Variants in OR6N1 observed in about 807,000 individuals in gnomAD.
OR6N1 encodes olfactory receptor family 6 subfamily N member 1, also known as olfactory receptor 6N1.
For missense variants in OR6N1, 394 were observed against 371.7 expected, an observed-to-expected ratio of 1.06 and a Z score of -0.49; for synonymous variants, 170 against 150.7, an observed-to-expected ratio of 1.13 and a Z score of -0.94.
chr1:158,814,193 T>C, the OR6N1 span, among the ~76,000 whole-genome samples: 3 of 152,210 alleles, frequency 2.0e-5, no homozygotes, highest in African/African-American at 7.2e-5. Flanking sequence ...TCCTAGATGA[T>C]AGAACTTTAA....
the OR6N1 span, among the ~76,000 whole-genome samples, chr1:158,816,624 A>G: frequency 6.6e-6 from 1 of 152,116 alleles, no homozygotes; most frequent in Non-Finnish European, 1.5e-5. Context: ...CAGAAGGGCA[A>G]GGCTTCAGTG....
Position 158,764,960 on chromosome 1 carries a change from C to G in OR6N1, c.*784G>C, listed in dbSNP as rs1269952787. Reference sequence around the variant, plus strand: ...AAGTATTCCTTCTGGCTGGTTTGCTCCTTTCCTTTGGAGAAAATACTTGGA... The same window carrying G: ...AAGTATTCCTTCTGGCTGGTTTGCTGCTTTCCTTTGGAGAAAATACTTGGA... On this transcript the variant is annotated 3_prime_UTR_variant, in exon 2 of 2. Transcript: ENST00000641846. 1 of 151,740 alleles carries G rather than the reference C, an allele frequency of 6.6e-6. No individual in the cohort carries two copies. The highest frequency in any genetic ancestry group is 1.5e-5 in the Non-Finnish European group (1 of 67,916). The allele number at this position is 151,740 out of a possible 1,614,324, so 9.4% of individuals were successfully genotyped here.
chr1:158,826,726 G>A, the OR6N1 span, among the ~76,000 whole-genome samples: 1 of 152,184 alleles, frequency 6.6e-6, no homozygotes, highest in Non-Finnish European at 1.5e-5. Context: ...TGAAGAAAAT[G>A]TGGACAGCAG....
the OR6N1 span, among the ~76,000 whole-genome samples, chr1:158,796,893 T>G: frequency 6.7e-6 from 1 of 148,708 alleles, no homozygotes; most frequent in African/African-American, 2.5e-5. Context: ...TTTTTTTTTT[T>G]GTAGGTCACT....
intron 1 of OR6N1, among the ~76,000 whole-genome samples, chr1:158,769,379 G>A (rs1474288462): frequency 2.6e-5 from 4 of 152,114 alleles, no homozygotes; most frequent in Admixed American, 2.6e-4. Context: ...GCCCAGGCTG[G>A]TCTTGAACTC....
chr1:158,821,779 A>G, the OR6N1 span, among the ~76,000 whole-genome samples: 5 of 152,080 alleles, frequency 3.3e-5, no homozygotes, highest in East Asian at 5.8e-4. Context: ...TAAGTTTTCA[A>G]CTCCTTTGGG....
the OR6N1 span, among the ~76,000 whole-genome samples, chr1:158,780,726 AAGT>A: frequency 3.3e-5 from 5 of 152,210 alleles, no homozygotes; most frequent in Admixed American, 6.5e-5. Context: ...GAAAAATTGT[AAGT>A]AGAATTATCG....
At chr1:158,837,237 G>GC in the OR6N1 span, among the ~76,000 whole-genome samples, 1 of 151,340 alleles carries the variant, frequency 6.6e-6, no homozygotes, top group Non-Finnish European at 1.5e-5. Flanking sequence ...GGTCTATAAT[G>GC]TTTTTCAATA....
the OR6N1 span, among the ~76,000 whole-genome samples, chr1:158,836,162 T>C: frequency 6.6e-6 from 1 of 151,936 alleles, no homozygotes; most frequent in Admixed American, 6.6e-5. Context: ...TGCATCGACA[T>C]GCATAAGGGA....
the OR6N1 span, among the ~76,000 whole-genome samples, chr1:158,812,440 T>G: frequency 2.0e-5 from 3 of 152,206 alleles, no homozygotes; most frequent in Non-Finnish European, 4.4e-5. Flanking sequence ...ATCTTCTTCC[T>G]GTTAAGTGCT....
chr1:158,784,630 A>G, the OR6N1 span, among the ~76,000 whole-genome samples: 1 of 152,002 alleles, frequency 6.6e-6, no homozygotes, highest in African/African-American at 2.4e-5. Context: ...TTTCTATGAG[A>G]TCAGTTTCTT....
the OR6N1 span, among the ~76,000 whole-genome samples, chr1:158,820,885 G>A: frequency 3.9e-5 from 6 of 152,314 alleles, no homozygotes; most frequent in Admixed American, 1.3e-4. Context: ...ATGTTTCAAC[G>A]TATGCATACC....
chr1:158,779,951 A>G, the OR6N1 span, among the ~76,000 whole-genome samples: 10 of 152,240 alleles, frequency 6.6e-5, no homozygotes, highest in Non-Finnish European at 2.9e-5. Context: ...TAATTATTAT[A>G]TATTTCCCTG....
chr1:158,796,179 C>A, the OR6N1 span: 1 of 152,228 alleles, frequency 6.6e-6, no homozygotes, highest in Admixed American at 6.5e-5. Flanking sequence ...AAAGGGGCTT[C>A]TTGGAAAGTA....
At chr1:158,831,363 C>A in the OR6N1 span, 1 of 152,172 alleles carries the variant, frequency 6.6e-6, no homozygotes, top group Non-Finnish European at 1.5e-5. Flanking sequence ...TGTAAGAAGG[C>A]CATCTACAAT....
upstream of OR6N1, chr1:158,777,130 C>A (rs768656708): frequency 6.2e-7 from 1 of 1,613,948 alleles, no homozygotes; most frequent in Non-Finnish European, 8.5e-7. Context: ...ATTGTAAGCA[C>A]AAAATGGGAG....
chr1:158,818,281 C>T, the OR6N1 span, among the ~76,000 whole-genome samples: 1 of 152,176 alleles, frequency 6.6e-6, no homozygotes, highest in African/African-American at 2.4e-5. Context: ...TATATAGCCA[C>T]CTTAGTGGTC....
chr1:158,766,830 G>T (rs943406224), intron 1 of OR6N1, 130 bp from the exon 2 acceptor site: 30 of 618,514 alleles, frequency 4.9e-5, no homozygotes, highest in Non-Finnish European at 8.4e-5. Flanking sequence ...TAAATGCTTT[G>T]AGAGGTCAAC....
chr1:158,832,966 TTTC>T, the OR6N1 span, among the ~76,000 whole-genome samples: 3 of 152,264 alleles, frequency 2.0e-5, no homozygotes, highest in South Asian at 4.1e-4. Context: ...TATTCTGTGC[TTTC>T]TTCTTCTCCT....
Sources: allele counts gnomAD v4.1 joint callset (sites outside exome capture counted in the v4.1 genomes callset), GRCh38; gene constraint gnomAD v4.1.1; transcripts MANE v1.5; gene names NCBI Gene and HGNC (gene_info 2026-07-23, HGNC 2026-07-21).